Variants in KCNMA1 observed in about 807,000 individuals in gnomAD.
KCNMA1 encodes potassium calcium-activated channel subfamily M alpha 1.
A neutral mutation model predicts 140.0 loss-of-function variants in KCNMA1; 29 were observed. That is an observed-to-expected ratio of 0.21 (90% CI 0.15 to 0.28). KCNMA1 has a LOEUF of 0.28. KCNMA1 is among the 10% of genes least tolerant of loss of function. The probability of loss-of-function intolerance (pLI) is 1.00; values close to 1 mark genes in which losing one functional copy is unlikely to be tolerated. For synonymous variants in KCNMA1, 612 were observed against 611.9 expected (o/e 1.00, Z 0.00); for missense variants, 880 against 1,602.2 (o/e 0.55, Z 7.70).
At chr10:77,611,525 T>A (rs2086871958) in intron 1 of KCNMA1, among the ~76,000 whole-genome samples, 1 of 152,228 alleles carries the variant, frequency 6.6e-6, no homozygotes, top group Non-Finnish European at 1.5e-5. Flanking sequence ...CCCATTGAAG[T>A]GAGCATTTCT....
chr10:76,950,964 G>A (rs3781147), intron 21 of KCNMA1, among the ~76,000 whole-genome samples: 2,141 of 152,274 alleles, frequency 0.014, 46 homozygotes, highest in East Asian at 0.11. Context: ...GGGCCGCACG[G>A]AAGTGCAAGT....
At chr10:76,990,558 A>C (rs2082440597) in intron 19 of KCNMA1, among the ~76,000 whole-genome samples, 1 of 151,988 alleles carries the variant, frequency 6.6e-6, no homozygotes, top group South Asian at 2.1e-4. Context: ...TCATGCCCTA[A>C]CTTCCAGACC....
chr10:77,016,242 A>T (rs10824483), intron 17 of KCNMA1, among the ~76,000 whole-genome samples: 95,443 of 151,824 alleles, frequency 0.63, 30,429 homozygotes, highest in Middle Eastern at 0.77. Context: ...TCAAATACCA[A>T]CCCCTCTGAG....
intron 14 of KCNMA1, among the ~76,000 whole-genome samples, chr10:77,070,344 G>T (rs1480008340): frequency 2.0e-5 from 3 of 152,080 alleles, no homozygotes; most frequent in Admixed American, 1.3e-4. Flanking sequence ...AAAGCCCAGT[G>T]GATAGTCACT....
At chr10:77,618,438 C>G (rs562076373) in intron 1 of KCNMA1, among the ~76,000 whole-genome samples, 2 of 152,240 alleles carry the variant, frequency 1.3e-5, no homozygotes, top group East Asian at 1.9e-4. Context: ...AGGAGAGAAA[C>G]CAGCAGCGTG....
At chr10:77,088,271 T>C (rs141355290) in intron 10 of KCNMA1, among the ~76,000 whole-genome samples, 81 of 152,016 alleles carry the variant, frequency 5.3e-4, no homozygotes, top group Middle Eastern at 3.4e-3. Flanking sequence ...ATGATGAGCA[T>C]TAATTCATTT....
intron 1 of KCNMA1, among the ~76,000 whole-genome samples, chr10:77,602,156 G>T (rs1305467715): frequency 6.6e-6 from 1 of 152,176 alleles, no homozygotes; most frequent in Non-Finnish European, 1.5e-5. Context: ...GGCTTCCCAG[G>T]TCTCCCATGT....
At chr10:77,390,268 G>A (rs1185660122) in intron 2 of KCNMA1, among the ~76,000 whole-genome samples, 1 of 152,206 alleles carries the variant, frequency 6.6e-6, no homozygotes, top group Non-Finnish European at 1.5e-5. Flanking sequence ...GGTTTCTGCT[G>A]ATTGCAGCTC....
chr10:77,433,300 A>G (rs537820491), intron 1 of KCNMA1, among the ~76,000 whole-genome samples: 1 of 152,168 alleles, frequency 6.6e-6, no homozygotes, highest in South Asian at 2.1e-4. Context: ...CTACAGGTGC[A>G]CACCACCACA....
chr10:77,587,893 G>T, intron 1 of KCNMA1: 1 of 983,932 alleles, frequency 1.0e-6, no homozygotes, highest in Non-Finnish European at 1.2e-6. Flanking sequence ...ATAAGGCCCA[G>T]ATCTGCCTTC....
intron 3 of KCNMA1, among the ~76,000 whole-genome samples, chr10:77,238,963 AATCTT>A (rs1220416186): frequency 1.3e-5 from 2 of 152,086 alleles, no homozygotes; most frequent in Non-Finnish European, 2.9e-5. Context: ...GTAGCTGCCA[AATCTT>A]ATTCATACTT....
chr10:77,278,610 T>C (rs2067389967), intron 2 of KCNMA1, among the ~76,000 whole-genome samples: 1 of 152,194 alleles, frequency 6.6e-6, no homozygotes, highest in Non-Finnish European at 1.5e-5. Flanking sequence ...AAATTTGTAA[T>C]GGCAGTGAAG....
chr10:77,370,260 G>A (rs1237435048), intron 2 of KCNMA1, among the ~76,000 whole-genome samples: 1 of 152,170 alleles, frequency 6.6e-6, no homozygotes, highest in African/African-American at 2.4e-5. Flanking sequence ...TCCTTTGGGG[G>A]TTTGGAAACA....
chr10:77,256,272 G>C (rs2060740184), intron 2 of KCNMA1, among the ~76,000 whole-genome samples: 1 of 152,110 alleles, frequency 6.6e-6, no homozygotes, highest in South Asian at 2.1e-4. Context: ...GGGTGTGTGA[G>C]GCTTCACGGC....
chr10:77,025,510 A>C, intron 16 of KCNMA1: 1 of 1,407,122 alleles, frequency 7.1e-7, no homozygotes, highest in Non-Finnish European at 9.9e-7. Context: ...TAATAAATCG[A>C]CTGACACCAG....
intron 19 of KCNMA1, among the ~76,000 whole-genome samples, chr10:76,992,594 T>C (rs553479494): frequency 1.3e-5 from 2 of 152,232 alleles, no homozygotes; most frequent in East Asian, 1.9e-4. Context: ...TTTTGCCACA[T>C]TGCACTTCCA....
intron 2 of KCNMA1, among the ~76,000 whole-genome samples, chr10:77,389,995 A>C (rs1390015084): frequency 1.3e-5 from 2 of 152,214 alleles, no homozygotes; most frequent in Non-Finnish European, 2.9e-5. Flanking sequence ...AGAAAAGTGC[A>C]TTCTCTCTCC....
At chr10:77,088,437 T>TGTTTG in intron 10 of KCNMA1, among the ~76,000 whole-genome samples, 1 of 151,816 alleles carries the variant, frequency 6.6e-6, no homozygotes, top group Middle Eastern at 3.4e-3. Context: ...GTTTTTGTTT[T>TGTTTG]GTTTTGTTTT....
In KCNMA1 at chr10:77,163,523, C is replaced by T. The variant is rs186664283; in HGVS notation, c.808+19898G>A. Among the ~76,000 whole-genome samples, 159 of 152,322 alleles carry T rather than the reference C, an allele frequency of 1.0e-3. 1 individual carries two copies. Among genetic ancestry groups the T allele is most frequent in the African/African-American group, 3.6e-3 (151 of 41,572 alleles). ...GGCTATTTACTGAGTATCTCCCATG[C>T]GTGCAGTGCTCTGTCCCATTCTGGG... On this transcript the variant is annotated intron_variant, in intron 5 of 27. Coordinates refer to ENST00000286628, the MANE Select transcript of KCNMA1 (RefSeq NM_001161352.2).
Sources: allele counts gnomAD v4.1 joint callset (sites outside exome capture counted in the v4.1 genomes callset), GRCh38; gene constraint gnomAD v4.1.1; transcripts MANE v1.5; gene names NCBI Gene and HGNC (gene_info 2026-07-23, HGNC 2026-07-21).